Variants in PREX1 observed in about 807,000 individuals in gnomAD.
PREX1 encodes phosphatidylinositol-3,4,5-trisphosphate dependent Rac exchange factor 1, also known as phosphatidylinositol 3,4,5-trisphosphate-dependent Rac exchanger 1 protein.
PREX1 carries 41 observed loss-of-function variants against 198.3 expected under a neutral mutation model. The ratio of observed to expected loss-of-function variants is 0.21; its 90% CI spans 0.16 to 0.27. The LOEUF (loss-of-function observed/expected upper bound fraction) is 0.27, where lower values mean the gene tolerates loss of function less well. PREX1 is among the 10% of genes least tolerant of loss of function. PREX1 has a pLI of 1.00. For missense variants in PREX1, 1,620 were observed against 2,200.7 expected, an observed-to-expected ratio of 0.74 and a Z score of 5.28; for synonymous variants, 843 against 887.2, an observed-to-expected ratio of 0.95 and a Z score of 0.89.
chr20:48,628,350 C>G (rs950536442), intron 37 of PREX1, among the ~76,000 whole-genome samples: 2 of 152,186 alleles, frequency 1.3e-5, no homozygotes, highest in African/African-American at 4.8e-5. Context: ...CGATTCACAC[C>G]TCTCTGGGTT....
rs370829587 is a variant in PREX1 at position 48,659,361 on chromosome 20, G to C, written c.1881+558C>G. Among the ~76,000 whole-genome samples the C allele has an allele frequency of 1.9e-3, 278 of 144,724 alleles. 2 individuals are homozygous for C. The highest frequency in any genetic ancestry group is 6.7e-3 in the African/African-American group (263 of 39,192). The allele number at this position is 144,724 out of a possible 152,430, so 94.9% of individuals were successfully genotyped here. A position where few individuals can be genotyped will look rare whatever the true frequency, so the allele number is the denominator to read the frequency against. ...GAGGAAGGGAGGGAAAGAGGAAAGA[G>C]AGAAGGGGAGGGGAGGGGAGTGAGA... On this transcript the variant is annotated intron_variant, in intron 16 of 39. Transcript: ENST00000371941.
At chr20:48,734,004 C>A (rs2122725600) in intron 4 of PREX1, among the ~76,000 whole-genome samples, 1 of 152,304 alleles carries the variant, frequency 6.6e-6, no homozygotes, top group East Asian at 1.9e-4. Flanking sequence ...CCACCCGCCT[C>A]GGCCTCCCAA....
At chr20:48,836,984 C>G in the PREX1 span, among the ~76,000 whole-genome samples, 2 of 151,726 alleles carry the variant, frequency 1.3e-5, no homozygotes, top group African/African-American at 4.8e-5. Flanking sequence ...ACTTACAGAC[C>G]CCAAACTGCT....
chr20:48,759,405 C>A (rs2090168936), intron 1 of PREX1, among the ~76,000 whole-genome samples: 1 of 151,904 alleles, frequency 6.6e-6, no homozygotes, highest in Non-Finnish European at 1.5e-5. Context: ...CAAAAATTAG[C>A]CAGCCATGGT....
intron 1 of PREX1, among the ~76,000 whole-genome samples, chr20:48,809,567 C>T (rs1483407688): frequency 1.3e-5 from 2 of 152,206 alleles, no homozygotes; most frequent in Non-Finnish European, 2.9e-5. Flanking sequence ...GACAACCAGC[C>T]GGCTCTTGCC....
the PREX1 span, among the ~76,000 whole-genome samples, chr20:48,884,859 C>T: frequency 2.0e-5 from 3 of 152,248 alleles, no homozygotes; most frequent in South Asian, 6.2e-4. Flanking sequence ...TGCCTGTAAT[C>T]CTAGCACTTT....
chr20:48,673,117 C>A (rs6019358), intron 14 of PREX1, among the ~76,000 whole-genome samples: 1 of 151,884 alleles, frequency 6.6e-6, no homozygotes, highest in Non-Finnish European at 1.5e-5. Flanking sequence ...CAAAAGCTGA[C>A]AAGGAGCGGA....
the PREX1 span, among the ~76,000 whole-genome samples, chr20:48,874,781 G>A: frequency 6.6e-6 from 1 of 151,998 alleles, no homozygotes; most frequent in African/African-American, 2.4e-5. Flanking sequence ...GGAGGCTGAG[G>A]CAGGAGGATC....
intron 1 of PREX1, among the ~76,000 whole-genome samples, chr20:48,813,215 G>A (rs1445005907): frequency 1.3e-5 from 2 of 152,182 alleles, no homozygotes; most frequent in Admixed American, 6.5e-5. Context: ...TAGGGACAGC[G>A]ATTTCCCCAT....
chr20:48,733,903 G>A (rs184605128), intron 4 of PREX1, among the ~76,000 whole-genome samples: 22 of 152,006 alleles, frequency 1.4e-4, no homozygotes, highest in East Asian at 9.7e-4. Flanking sequence ...GGCACATGCC[G>A]CCACGCCCAG....
intron 14 of PREX1, among the ~76,000 whole-genome samples, chr20:48,672,509 T>C (rs547794444): frequency 2.6e-5 from 4 of 152,232 alleles, no homozygotes; most frequent in Non-Finnish European, 5.9e-5. Flanking sequence ...ACACTGCTCC[T>C]GTACTCCGAG....
At chr20:48,743,388 C>T (rs747424785) in intron 3 of PREX1, among the ~76,000 whole-genome samples, 3 of 152,154 alleles carry the variant, frequency 2.0e-5, no homozygotes, top group Admixed American at 6.5e-5. Context: ...CATGCTGGTC[C>T]GAGGCACCGT....
At chr20:48,828,683 C>CTCTT (rs943151759), upstream of PREX1, among the ~76,000 whole-genome samples, 2 of 152,220 alleles carry the variant, frequency 1.3e-5, no homozygotes, top group Non-Finnish European at 2.9e-5. Flanking sequence ...TCCCATCTCT[C>CTCTT]TCTTTCCTTC....
chr20:48,651,312 C>G, intron 22 of PREX1, 84 bp downstream of exon 22: 1 of 1,503,894 alleles, frequency 6.6e-7, no homozygotes, highest in Non-Finnish European at 8.9e-7. Context: ...GGTGTCCCAC[C>G]CAACTCCTTC....
the PREX1 span, among the ~76,000 whole-genome samples, chr20:48,856,431 C>T: frequency 6.6e-6 from 1 of 152,214 alleles, no homozygotes; most frequent in African/African-American, 2.4e-5. Flanking sequence ...AATACCAGCA[C>T]TGAGAGAGCC....
chr20:48,758,007 G>C (rs184672495), intron 1 of PREX1, among the ~76,000 whole-genome samples: 14 of 152,318 alleles, frequency 9.2e-5, no homozygotes, highest in African/African-American at 3.1e-4. Flanking sequence ...ACCATGACAG[G>C]ACCCTTGGGG....
intron 1 of PREX1, among the ~76,000 whole-genome samples, chr20:48,792,202 G>A (rs532186019): frequency 7.9e-5 from 12 of 152,310 alleles, no homozygotes; most frequent in South Asian, 2.1e-4. Context: ...AAGGCCAGGC[G>A]TGGTGGCTCA....
At chr20:48,779,243 T>C (rs566607084) in intron 1 of PREX1, among the ~76,000 whole-genome samples, 16 of 152,336 alleles carry the variant, frequency 1.1e-4, no homozygotes, top group Middle Eastern at 3.4e-3. Context: ...CATGAAAAGA[T>C]AGGCAGCATC....
intron 16 of PREX1, 149 bp from the exon 17 acceptor site, chr20:48,658,377 C>CAGCACCTGGCAGAGCCAGTGAG (rs2089562132): frequency 2.9e-6 from 2 of 698,976 alleles, no homozygotes; most frequent in Non-Finnish European, 4.9e-6. Flanking sequence ...AAAACGCAAA[C>CAGCACCTGGCAGAGCCAGTGAG]AGCACCTGGC....
Sources: allele counts gnomAD v4.1 joint callset (sites outside exome capture counted in the v4.1 genomes callset), GRCh38; gene constraint gnomAD v4.1.1; transcripts MANE v1.5; gene names NCBI Gene and HGNC (gene_info 2026-07-23, HGNC 2026-07-21).